ZNF845: variants seen among roughly 807,000 people sequenced by gnomAD.
ZNF845 encodes zinc finger protein 845.
Under a neutral mutation model 76.1 loss-of-function variants are expected in ZNF845, and 59 were observed. The ratio of observed to expected loss-of-function variants is 0.78; its 90% confidence interval spans 0.63 to 0.96. The LOEUF (loss-of-function observed/expected upper bound fraction) is 0.96, where lower values mean the gene tolerates loss of function less well. Ranked by LOEUF, ZNF845 falls within the 40% of genes least tolerant of loss-of-function variation. The pLI is 0.00. For synonymous variants in ZNF845, 361 were observed against 386.9 expected, an observed-to-expected ratio of 0.93 and a Z score of 0.78; for missense variants, 1,045 against 1,172.8, an observed-to-expected ratio of 0.89 and a Z score of 1.59.
In ZNF845 at chr19:53,354,280, C is replaced by A. The variant is rs551506073; in HGVS notation, c.*692C>A. 7.1e-5 allele frequency: 31 copies of A among 433,812 alleles called. 1 individual carries two copies. Among genetic ancestry groups the A allele is most frequent in the South Asian group, 5.6e-4 (31 of 55,386 alleles). 26.9% of individuals were successfully genotyped at this position (433,812 alleles called of 1,614,324 possible). A position where few individuals can be genotyped will look rare whatever the true frequency, so the allele number is the denominator to read the frequency against. On this transcript the variant is annotated 3_prime_UTR_variant, in exon 4 of 4. Coordinates refer to ENST00000458035, the MANE Select transcript of ZNF845 (RefSeq NM_138374.3). ...AAATGCAATGAGTATAGCAAACCAT[C>A]AAGCATTAATTGGCATTAGAGTCAA...
intron 1 of ZNF845, chr19:53,340,791 T>A (rs1309000864): frequency 6.8e-5 from 23 of 336,032 alleles, no homozygotes; most frequent in Non-Finnish European, 5.4e-6. Context: ...ACCTCATCTG[T>A]TTCCCGTGTC....
At chr19:53,346,577 A>T (rs1036684036) in intron 3 of ZNF845, among the ~76,000 whole-genome samples, 8 of 152,198 alleles carry the variant, frequency 5.3e-5, no homozygotes, top group African/African-American at 1.9e-4. Flanking sequence ...GTTACTCAGG[A>T]GGCTGACACA....
In ZNF845 at chr19:53,353,186, C is replaced by G; in HGVS notation, c.2511C>G (p.Gly837=). Reference sequence around the variant, plus strand: ...AACCTTACAAGTGTAATGAGTGTGGCAAGACCTTCCGTCACAATTCAGCCC... The same window carrying G: ...AACCTTACAAGTGTAATGAGTGTGGGAAGACCTTCCGTCACAATTCAGCCC... The part of the protein sequence containing the change: ...GEKPYKCNEC[G]KTFRHNSALE... The change falls in exon 4 of 4, where the codon GGC becomes GGG. Residue 837 remains glycine, a synonymous_variant. Transcript: ENST00000458035. The G allele has an allele frequency of 6.2e-7, 1 of 1,613,238 alleles. No homozygotes were observed. The highest frequency in any genetic ancestry group is 8.5e-7 in the Non-Finnish European group (1 of 1,179,286).
chr19:53,353,370 C>T lies in ZNF845; in HGVS notation c.2695C>T (p.Gln899Ter). Residue 899 changes from glutamine to a stop codon, truncating the protein, a stop_gained, in exon 4 of 4, where the codon CAA (glutamine) becomes TAA (stop). Transcript: ENST00000458035. LOFTEE classifies it high-confidence loss of function. ...TAAATGTGGTAAGGTTTTTAATCAA[C>T]AAGCACACCTTGCATGTCATCATAG... ...CNKCGKVFNQ[Q>*]AHLACHHRIH... 1.2e-6 allele frequency: 2 copies of T among 1,608,202 alleles called. No homozygotes were observed. The highest frequency in any genetic ancestry group is 1.1e-5 in the South Asian group (1 of 90,834).
rs779243130 is a variant in ZNF845, at chr19:53,352,319, G to A, written c.1644G>A (p.Glu548=). 1.2e-5 allele frequency: 20 copies of A among 1,613,826 alleles called. No individual in the cohort carries two copies. Among genetic ancestry groups the A allele is most frequent in the Non-Finnish European group, 1.7e-5 (20 of 1,179,914 alleles). Residue 548 remains glutamate, a synonymous_variant, in exon 4 of 4, where the codon GAG becomes GAA. Transcript: ENST00000458035. ...GCCATTGTAGACTTCATACTGGAGAGAAACCTTACCAGTGTAATGAGTGTG... is the reference window on the plus strand; with the variant it reads ...GCCATTGTAGACTTCATACTGGAGAAAAACCTTACCAGTGTAATGAGTGTG... ...LTRHCRLHTG[E]KPYQCNECGK...
chr19:53,346,352 T>G, intron 3 of ZNF845: 1 of 425,188 alleles, frequency 2.4e-6, no homozygotes, highest in Non-Finnish European at 4.6e-6. Context: ...GTGCCGTATG[T>G]GATCTTGGCT....
At chr19:53,334,738 T>A (rs1377809925) in intron 1 of ZNF845, among the ~76,000 whole-genome samples, 1 of 100,762 alleles carries the variant, frequency 9.9e-6, no homozygotes, top group Non-Finnish European at 2.0e-5. Flanking sequence ...CCCCCCCCCA[T>A]CTCTGTCAAA....
chr19:53,353,233 A>G lies in ZNF845; in HGVS notation c.2558A>G (p.His853Arg). 6.2e-7 allele frequency: 1 copy of G among 1,613,994 alleles called. No individual in the cohort carries two copies. Among genetic ancestry groups the G allele is most frequent in the Non-Finnish European group, 8.5e-7 (1 of 1,179,876 alleles). ...GCCCTTGAAATTCATAAGGCAATTCATACTGGAGAAAAACCTTACAAGTGT... is the reference window on the plus strand; with the variant it reads ...GCCCTTGAAATTCATAAGGCAATTCGTACTGGAGAAAAACCTTACAAGTGT... ...NSALEIHKAIHTGEKPYKCSE... is the reference protein window; with the variant it reads ...NSALEIHKAIRTGEKPYKCSE... The change falls in exon 4 of 4, where the codon CAT (histidine) becomes CGT (arginine). Residue 853 changes from histidine to arginine, a missense_variant. Transcript: ENST00000458035.
intron 1 of ZNF845, 109 bp from the exon 2 acceptor site, chr19:53,341,126 C>A: frequency 9.7e-7 from 1 of 1,032,466 alleles, no homozygotes. Context: ...CAGTGGGCAG[C>A]AGAGGGGACC....
chr19:53,334,158 C>T (rs952615388), intron 1 of ZNF845, among the ~76,000 whole-genome samples: 1 of 152,228 alleles, frequency 6.6e-6, no homozygotes, highest in African/African-American at 2.4e-5. Context: ...CCCCCCACCT[C>T]CCTCCTCGTT....
rs145558349 is a variant in ZNF845, at chr19:53,351,556, C to A, written c.881C>A (p.Thr294Asn). 2,046 of 1,614,162 alleles carry A rather than the reference C, an allele frequency of 1.3e-3. 5 individuals carry two copies. The highest frequency in any genetic ancestry group is 1.6e-3 in the Non-Finnish European group (1,857 of 1,180,004). ...LTLTCHHRLHTGEKHYKCSEC... is the reference protein window; with the variant it reads ...LTLTCHHRLHNGEKHYKCSEC... ...CTTACATGCCATCATAGACTTCATACTGGAGAGAAACATTACAAGTGCAGT... is the reference window on the plus strand; with the variant it reads ...CTTACATGCCATCATAGACTTCATAATGGAGAGAAACATTACAAGTGCAGT... The change falls in exon 4 of 4, where the codon ACT (threonine) becomes AAT (asparagine). Residue 294 changes from threonine (T) to asparagine (N), a missense_variant. Transcript: ENST00000458035.
chr19:53,353,220 C>T lies in ZNF845; in HGVS notation c.2545C>T (p.His849Tyr). 1.2e-6 allele frequency: 2 copies of T among 1,613,892 alleles called. No homozygotes were observed. Among genetic ancestry groups the T allele is most frequent in the South Asian group, 1.1e-5 (1 of 91,064 alleles). ...TFRHNSALEI[H>Y]KAIHTGEKPY... ...CCGTCACAATTCAGCCCTTGAAATT[C>T]ATAAGGCAATTCATACTGGAGAAAA... Residue 849 changes from histidine (H) to tyrosine (Y), a missense_variant, in exon 4 of 4, where the codon CAT becomes TAT. His to Tyr is a moderately conservative substitution (Grantham distance 83, BLOSUM62 2). Coordinates refer to ENST00000458035, the MANE Select transcript of ZNF845 (RefSeq NM_138374.3).
rs540657436 is a variant in ZNF845, at chr19:53,351,599, C to T, written c.924C>T (p.Phe308=). The change falls in exon 4 of 4, where the codon TTC becomes TTT. Residue 308 remains phenylalanine (F), a synonymous_variant. Transcript: ENST00000458035. ...AGTGCAGTGAGTGTGGCAAGACCTT[C>T]AGTCGAAATTCAGCCCTTGTAATTC... is the stretch of plus-strand genomic sequence containing the variant. ...HYKCSECGKT[F]SRNSALVIHK... 6.2e-7 allele frequency: 1 copy of T among 1,614,036 alleles called. No homozygotes were observed. Among genetic ancestry groups the T allele is most frequent in the Admixed American group, 1.7e-5 (1 of 60,016 alleles).
intron 1 of ZNF845, among the ~76,000 whole-genome samples, chr19:53,339,576 G>A (rs2085241873): frequency 6.6e-6 from 1 of 152,192 alleles, no homozygotes; most frequent in Non-Finnish European, 1.5e-5. Flanking sequence ...ATTTGAGTCT[G>A]GGAATATTTA....
intron 1 of ZNF845, among the ~76,000 whole-genome samples, chr19:53,336,203 C>G (rs1467887288): frequency 3.2e-4 from 42 of 132,152 alleles, no homozygotes; most frequent in Non-Finnish European, 1.3e-4. Flanking sequence ...GAGCGAGACT[C>G]CATCTCAAAA....
At position 53,353,228 on chromosome 19, in the gene ZNF845, A is replaced by C. The variant is rs759105476; in HGVS notation, c.2553A>C (p.Ala851=). The part of the protein sequence containing the change: ...RHNSALEIHK[A]IHTGEKPYKC... ...ATTCAGCCCTTGAAATTCATAAGGCAATTCATACTGGAGAAAAACCTTACA... is the reference window on the plus strand; with the variant it reads ...ATTCAGCCCTTGAAATTCATAAGGCCATTCATACTGGAGAAAAACCTTACA... The change falls in exon 4 of 4, where the codon GCA becomes GCC. Residue 851 remains alanine, a synonymous_variant. Coordinates refer to ENST00000458035, the MANE Select transcript of ZNF845 (RefSeq NM_138374.3). The C allele has an allele frequency of 1.2e-6, 2 of 1,613,984 alleles. No homozygotes were observed. Among genetic ancestry groups the C allele is most frequent in the South Asian group, 2.2e-5 (2 of 91,070 alleles).
intron 1 of ZNF845, among the ~76,000 whole-genome samples, chr19:53,340,635 GTT>G (rs781282120): frequency 1.3e-5 from 2 of 152,148 alleles, no homozygotes; most frequent in East Asian, 3.8e-4. Flanking sequence ...GTTTATAAGG[GTT>G]TTAATTTGTA....
chr19:53,353,423 GTGTAA>G lies in ZNF845; in HGVS notation c.2751_2755del (p.Cys917Ter), dbSNP rs2085360030. The G allele has an allele frequency of 5.6e-6, 9 of 1,613,360 alleles. No homozygotes were observed. The highest frequency in any genetic ancestry group is 7.6e-6 in the Non-Finnish European group (9 of 1,179,808). On this transcript the variant is annotated frameshift_variant, in exon 4 of 4. Coordinates refer to ENST00000458035, the MANE Select transcript of ZNF845 (RefSeq NM_138374.3). LOFTEE classifies it high-confidence loss of function. ...TTCATACTGGAGAGAAACCTTACAAGTGTAATGAGTGTGGCAAAACCTTCCGTCAC... is the reference window on the plus strand; with the variant it reads ...TTCATACTGGAGAGAAACCTTACAAGTGAGTGTGGCAAAACCTTCCGTCAC...
rs1568740606 is a variant in ZNF845 at position 53,351,036 on chromosome 19, G to GGTA, written c.365_367dup (p.Ser122dup). ...CATGACAGAAATCAAACAGTTGACG[G>GGTA]GTAGTACAAACCGACATGATCAAAG... is the stretch of plus-strand genomic sequence containing the variant. On this transcript the variant is annotated inframe_insertion, in exon 4 of 4. Coordinates refer to ENST00000458035, the MANE Select transcript of ZNF845 (RefSeq NM_138374.3). 6.2e-7 allele frequency: 1 copy of GGTA among 1,614,148 alleles called. No individual in the cohort carries two copies. The highest frequency in any genetic ancestry group is 8.5e-7 in the Non-Finnish European group (1 of 1,180,020).
Sources: allele counts gnomAD v4.1 joint callset (sites outside exome capture counted in the v4.1 genomes callset), GRCh38; gene constraint gnomAD v4.1.1; transcripts MANE v1.5; gene names NCBI Gene and HGNC (gene_info 2026-07-23, HGNC 2026-07-21).